The following ARL13B variants were observed in gnomAD, a reference collection of about 807,000 sequenced individuals.
The protein encoded by ARL13B is ADP-ribosylation factor-like protein 13B.
Under a neutral mutation model 56.1 loss-of-function variants are expected in ARL13B, and 36 were observed. That is an observed-to-expected ratio of 0.64 (90% CI 0.49 to 0.85). ARL13B has a LOEUF of 0.85. ARL13B is among the 40% of genes least tolerant of loss of function. The pLI, the probability that ARL13B is intolerant of heterozygous loss-of-function variation, is 0.00. For synonymous variants in ARL13B, 178 were observed against 171.1 expected (o/e 1.04, Z -0.32); for missense variants, 519 against 507.1 (o/e 1.02, Z -0.23).
chr3:94,033,611 A>G (rs576558043), intron 3 of ARL13B, among the ~76,000 whole-genome samples: 2 of 152,222 alleles, frequency 1.3e-5, no homozygotes, highest in South Asian at 4.1e-4. Context: ...TTGGTAAAAT[A>G]ATAGAATTAA....
chr3:94,030,393 AT>A (rs11299685), intron 3 of ARL13B, among the ~76,000 whole-genome samples: 64,825 of 119,936 alleles, frequency 0.54, 17,990 homozygotes, highest in African/African-American at 0.76. Flanking sequence ...CGCCTGGCTC[AT>A]TTTTTTTTTT....
intron 3 of ARL13B, among the ~76,000 whole-genome samples, chr3:94,032,980 A>G (rs998547351): frequency 3.3e-5 from 5 of 152,348 alleles, no homozygotes; most frequent in Admixed American, 2.0e-4. Context: ...CCTTCAATGG[A>G]TGATGAAAGA....
chr3:94,039,387 C>T (rs948150582), intron 5 of ARL13B, among the ~76,000 whole-genome samples: 1 of 150,122 alleles, frequency 6.7e-6, no homozygotes, highest in Non-Finnish European at 1.5e-5. Context: ...GTAGTCCCAG[C>T]TACTCAGGAG....
Position 94,029,343 on chromosome 3 carries a change from T to A in ARL13B, c.381-5988T>A, listed in dbSNP as rs1180361061. Among the ~76,000 whole-genome samples the A allele has an allele frequency of 2.5e-3, 259 of 103,486 alleles. 8 individuals are homozygous for A. Among genetic ancestry groups the A allele is most frequent in the African/African-American group, 0.01 (209 of 20,370 alleles). 67.9% of individuals were successfully genotyped at this position (103,486 alleles called of 152,430 possible). ...ATATATATATATATATATTTATTTT[T>A]TTTTTATTTTTTTTTTTTTTTGAGA... On this transcript the variant is annotated intron_variant, in intron 3 of 9. Transcript: ENST00000394222.
At chr3:93,986,508 G>A (rs1710471902) in intron 1 of ARL13B, among the ~76,000 whole-genome samples, 1 of 151,584 alleles carries the variant, frequency 6.6e-6, no homozygotes, top group African/African-American at 2.4e-5. Context: ...GTCTTTTTTT[G>A]TATATGTATT....
chr3:94,035,016 AC>A (rs2076741752), intron 3 of ARL13B, among the ~76,000 whole-genome samples: 1 of 152,164 alleles, frequency 6.6e-6, no homozygotes, highest in African/African-American at 2.4e-5. Flanking sequence ...CTGACAGATC[AC>A]TTGAGGTCAG....
chr3:94,011,932 C>T (rs759022935), intron 3 of ARL13B, among the ~76,000 whole-genome samples: 24 of 152,118 alleles, frequency 1.6e-4, no homozygotes, highest in Non-Finnish European at 2.8e-4. Flanking sequence ...TGAAACTGCT[C>T]TTCTTGAAGT....
At position 94,029,323 on chromosome 3, in the gene ARL13B, TA is replaced by T. The variant is rs1559997565; in HGVS notation, c.381-6007del. 7.7e-4 allele frequency among the ~76,000 whole-genome samples: 78 copies of T among 101,406 alleles called. 1 individual carries two copies. Among genetic ancestry groups the T allele is most frequent in the African/African-American group, 3.5e-3 (72 of 20,630 alleles). 66.5% of individuals were successfully genotyped at this position (101,406 alleles called of 152,430 possible). A position where few individuals can be genotyped will look rare whatever the true frequency, so the allele number is the denominator to read the frequency against. ...AATCATATATATATATATATATATA[TA>T]TATATATATATTTATTTTTTTTTTA... On this transcript the variant is annotated intron_variant, in intron 3 of 9. Coordinates refer to ENST00000394222, the MANE Select transcript of ARL13B (RefSeq NM_001174150.2).
chr3:94,021,699 G>A (rs2076452076), intron 3 of ARL13B, among the ~76,000 whole-genome samples: 1 of 152,126 alleles, frequency 6.6e-6, no homozygotes, highest in Non-Finnish European at 1.5e-5. Flanking sequence ...GGTTGGCTTA[G>A]TAATTTATCT....
chr3:94,009,110 T>TAGATAGAG (rs2076181286), intron 3 of ARL13B, among the ~76,000 whole-genome samples: 1 of 151,834 alleles, frequency 6.6e-6, no homozygotes, highest in Admixed American at 6.6e-5. Flanking sequence ...GATAGATAGA[T>TAGATAGAG]AGATAGATAG....
chr3:93,990,288 A>G (rs2075849062), intron 1 of ARL13B, among the ~76,000 whole-genome samples: 1 of 152,046 alleles, frequency 6.6e-6, no homozygotes, highest in African/African-American at 2.4e-5. Context: ...GATTACAGGC[A>G]TGAGCCACCG....
intron 6 of ARL13B, among the ~76,000 whole-genome samples, chr3:94,042,724 G>A (rs970524944): frequency 2.0e-5 from 3 of 152,056 alleles, no homozygotes; most frequent in Admixed American, 6.5e-5. Flanking sequence ...TCATCTCTTA[G>A]TGATTATATA....
In ARL13B at chr3:94,039,962, C is replaced by T. The variant is rs1362774896; in HGVS notation, c.772C>T (p.Gln258Ter). Residue 258 changes from glutamine (Q) to a stop codon, truncating the protein, a stop_gained, in exon 6 of 10, where the codon CAG becomes TAG. Coordinates refer to ENST00000394222, the MANE Select transcript of ARL13B (RefSeq NM_001174150.2). LOFTEE classifies it high-confidence loss of function. ...ELDPEPTNPF[Q>*]PIASVIIENE... ...GGACCCAGAACCAACGAATCCTTTC[C>T]AGCCAATAGCATCTGTAATCATTGA... 1 of 1,613,858 alleles carries T rather than the reference C, an allele frequency of 6.2e-7. No homozygotes were observed. Among genetic ancestry groups the T allele is most frequent in the African/African-American group, 1.3e-5 (1 of 74,908 alleles).
Position 93,980,399 on chromosome 3 carries a change from G to T in ARL13B, c.-25G>T. On this transcript the variant is annotated 5_prime_UTR_variant, in exon 1 of 10. Transcript: ENST00000394222. ...CGGTGTCCGCTCCGGGCTCGGATGG[G>T]AAGTGGTGGGAGGAGCGACCCGGGA... 6.2e-7 allele frequency: 1 copy of T among 1,611,022 alleles called. No individual in the cohort carries two copies.
At chr3:93,981,224 C>G (rs1575914930) in intron 1 of ARL13B, among the ~76,000 whole-genome samples, 1 of 152,168 alleles carries the variant, frequency 6.6e-6, no homozygotes, top group Non-Finnish European at 1.5e-5. Flanking sequence ...GTGCCAGGCA[C>G]TGTCTTAGGA....
chr3:93,994,239 C>T (rs2075926526), intron 1 of ARL13B, among the ~76,000 whole-genome samples: 1 of 152,148 alleles, frequency 6.6e-6, no homozygotes, highest in Non-Finnish European at 1.5e-5. Context: ...ATTCTTGGAC[C>T]TTCCTGCATT....
chr3:94,034,545 A>G (rs1458123969), intron 3 of ARL13B, among the ~76,000 whole-genome samples: 1 of 150,344 alleles, frequency 6.7e-6, no homozygotes, highest in Non-Finnish European at 1.5e-5. Flanking sequence ...TTTGCCAAGT[A>G]TATTAGAAGT....
intron 3 of ARL13B, among the ~76,000 whole-genome samples, chr3:94,030,605 A>G (rs1362467589): frequency 3.3e-5 from 5 of 152,158 alleles, no homozygotes; most frequent in African/African-American, 1.2e-4. Context: ...GCACCTAGAA[A>G]GAAATGAACC....
At chr3:94,040,579 A>G (rs1218703806) in intron 6 of ARL13B, among the ~76,000 whole-genome samples, 1 of 151,656 alleles carries the variant, frequency 6.6e-6, no homozygotes, top group Non-Finnish European at 1.5e-5. Flanking sequence ...TTTTCTGCTC[A>G]TGTCCAGAGT....
Sources: allele counts gnomAD v4.1 joint callset (sites outside exome capture counted in the v4.1 genomes callset), GRCh38; gene constraint gnomAD v4.1.1; transcripts MANE v1.5; gene names NCBI Gene and HGNC (gene_info 2026-07-23, HGNC 2026-07-21).